The following OLAH variants were observed in gnomAD, a reference collection of about 807,000 sequenced individuals.
OLAH encodes the protein S-acyl fatty acid synthase thioesterase, medium chain.
In OLAH, 33 loss-of-function variants were observed where a neutral mutation model predicts 27.8. The ratio of observed to expected loss-of-function variants is 1.19; its 90% CI spans 0.90 to 1.59. The LOEUF (loss-of-function observed/expected upper bound fraction) is 1.59, where lower values mean the gene tolerates loss of function less well. Ranked by LOEUF, OLAH falls within the 40% of genes most tolerant of loss-of-function variation. OLAH has a pLI of 0.00. For missense variants in OLAH, 359 were observed against 310.8 expected, an observed-to-expected ratio of 1.16 and a Z score of -1.17; for synonymous variants, 120 against 102.9, an observed-to-expected ratio of 1.17 and a Z score of -1.01.
At chr10:15,051,687 A>G (rs1202707295) in intron 3 of OLAH, among the ~76,000 whole-genome samples, 1 of 152,124 alleles carries the variant, frequency 6.6e-6, no homozygotes, top group African/African-American at 2.4e-5. Flanking sequence ...CTATCAGAGC[A>G]TATAACATCA....
At chr10:15,047,840 T>G (rs145241663) in intron 2 of OLAH, among the ~76,000 whole-genome samples, 1,635 of 152,308 alleles carry the variant, frequency 0.011, 15 homozygotes, top group Middle Eastern at 0.02. Flanking sequence ...TGTGCCTAGG[T>G]TCATAGAAAA....
chr10:15,038,585 T>C (rs12250629), intron 1 of OLAH: 86,529 of 151,956 alleles, frequency 0.57, 24,904 homozygotes, highest in South Asian at 0.76. Context: ...AGTTCCCCTG[T>C]GCAAACTCTC....
intron 3 of OLAH, among the ~76,000 whole-genome samples, chr10:15,056,497 C>T (rs1173080308): frequency 6.6e-6 from 1 of 152,170 alleles, no homozygotes; most frequent in Non-Finnish European, 1.5e-5. Flanking sequence ...TGAAATTATT[C>T]TAACTTTACA....
At chr10:15,041,044 G>A (rs1050833162), upstream of OLAH, among the ~76,000 whole-genome samples, 4 of 152,186 alleles carry the variant, frequency 2.6e-5, no homozygotes, top group African/African-American at 4.8e-5. Context: ...AGTGAACAAT[G>A]TTGGTGCTCA....
At chr10:15,047,076 C>T in intron 1 of OLAH, 50 bp from the exon 2 acceptor site, 4 of 450,618 alleles carry the variant, frequency 8.9e-6, no homozygotes, top group African/African-American at 2.0e-5. Flanking sequence ...ATTTTTTTCT[C>T]TTCTCTGTCT....
At chr10:15,042,071 G>A (rs532464888), upstream of OLAH, among the ~76,000 whole-genome samples, 4 of 152,052 alleles carry the variant, frequency 2.6e-5, no homozygotes, top group Admixed American at 6.6e-5. Context: ...TCAGTGCATC[G>A]GTAATTGAGT....
Position 15,049,710 on chromosome 10 carries a change from A to T in OLAH, c.108A>T (p.Gly36=), listed in dbSNP as rs901168179. ...AGCTGATTTGCTTTCCCTGGATGGG[A>T]GGTGGCTCCACTCATTTTGCCAAAT... The part of the protein sequence containing the change: ...TFKLICFPWM[G]GGSTHFAKWG... Residue 36 remains glycine (G), a synonymous_variant, in exon 3 of 8, where the codon GGA becomes GGT. Coordinates refer to ENST00000378228, the MANE Select transcript of OLAH (RefSeq NM_001039702.3). 4.3e-6 allele frequency: 7 copies of T among 1,610,880 alleles called. No individual in the cohort carries two copies. The highest frequency in any genetic ancestry group is 2.2e-5 in the East Asian group (1 of 44,804).
intron 6 of OLAH, among the ~76,000 whole-genome samples, chr10:15,071,366 C>T (rs1312832085): frequency 6.6e-6 from 1 of 152,188 alleles, no homozygotes; most frequent in Non-Finnish European, 1.5e-5. Flanking sequence ...TCTCCACGTG[C>T]CCCTAGTGTC....
At chr10:15,051,564 T>C (rs951392753) in intron 3 of OLAH, among the ~76,000 whole-genome samples, 1 of 152,234 alleles carries the variant, frequency 6.6e-6, no homozygotes, top group Non-Finnish European at 1.5e-5. Context: ...TTTCAGATTT[T>C]CCCTCTTCTG....
chr10:15,050,093 G>A (rs973030752), intron 3 of OLAH, among the ~76,000 whole-genome samples: 2 of 152,138 alleles, frequency 1.3e-5, no homozygotes, highest in African/African-American at 2.4e-5. Context: ...TCCCTTTTCT[G>A]CTTTTCTTTC....
intron 4 of OLAH, 132 bp downstream of exon 4, chr10:15,061,994 C>A: frequency 2.5e-6 from 2 of 797,434 alleles, no homozygotes; most frequent in Non-Finnish European, 3.8e-6. Context: ...TAATTATGGC[C>A]ATCACAACTT....
intron 1 of OLAH, among the ~76,000 whole-genome samples, chr10:15,033,824 C>T (rs1843795910): frequency 6.6e-6 from 1 of 152,150 alleles, no homozygotes; most frequent in South Asian, 2.1e-4. Flanking sequence ...TAATCCCACC[C>T]ATGAAGGCAG....
chr10:15,050,616 A>T (rs1319354724), intron 3 of OLAH, among the ~76,000 whole-genome samples: 2 of 139,762 alleles, frequency 1.4e-5, no homozygotes, highest in Admixed American at 1.6e-4. Context: ...ATGTTGGCTC[A>T]CTCCAAGCTC....
At chr10:15,041,281 TTTTTA>T (rs1328902616), upstream of OLAH, among the ~76,000 whole-genome samples, 3 of 103,936 alleles carry the variant, frequency 2.9e-5, no homozygotes, top group African/African-American at 1.2e-4. Flanking sequence ...TTTATTTTTA[TTTTTA>T]TTTTTTTTGA....
At position 15,058,538 on chromosome 10, in the gene OLAH, T is replaced by C. The variant is rs367657800; in HGVS notation, c.164-3186T>C. Among the ~76,000 whole-genome samples, 4 of 152,244 alleles carry C rather than the reference T, an allele frequency of 2.6e-5. No individual in the cohort carries two copies. In the East Asian group the frequency reaches 7.7e-4, roughly 29 times the overall value. On this transcript the variant is annotated intron_variant, in intron 3 of 7. Coordinates refer to ENST00000378228, the MANE Select transcript of OLAH (RefSeq NM_001039702.3). ...CTTTTGTAAAACACTTTTCTACTTA[T>C]CAATTTTGTGTAGAGCAGTCAGCTG... is the stretch of plus-strand genomic sequence containing the variant.
At chr10:15,057,944 T>C (rs996419337) in intron 3 of OLAH, among the ~76,000 whole-genome samples, 9 of 152,216 alleles carry the variant, frequency 5.9e-5, no homozygotes, top group Non-Finnish European at 7.3e-5. Context: ...AGATATCCAG[T>C]AGCATAAGTT....
chr10:15,033,527 G>A (rs1478539842), intron 1 of OLAH, among the ~76,000 whole-genome samples: 3 of 152,090 alleles, frequency 2.0e-5, no homozygotes, highest in Non-Finnish European at 4.4e-5. Flanking sequence ...AGAAGAGGAA[G>A]AGAAGGCAGA....
In OLAH at chr10:15,051,082, T is replaced by TATTA. The variant is rs200580018; in HGVS notation, c.163+1317_163+1318insATTA. On this transcript the variant is annotated intron_variant, in intron 3 of 7. Coordinates refer to ENST00000378228, the MANE Select transcript of OLAH (RefSeq NM_001039702.3). ...CTGTTTATTATTATTATTATTATTT[T>TATTA]TTTTTTTTTTTGAGATGGAGTCTTG... Among the ~76,000 whole-genome samples the TATTA allele has an allele frequency of 7.0e-3, 1,003 of 143,286 alleles. 6 individuals are homozygous for TATTA. The highest frequency in any genetic ancestry group is 0.012 in the African/African-American group (456 of 39,410). The allele number at this position is 143,286 out of a possible 152,430, so 94.0% of individuals were successfully genotyped here. A position where few individuals can be genotyped will look rare whatever the true frequency, so the allele number is the denominator to read the frequency against.
intron 4 of OLAH, 127 bp from the exon 5 acceptor site, chr10:15,064,276 C>T: frequency 1.6e-6 from 1 of 623,664 alleles, no homozygotes; most frequent in Non-Finnish European, 2.8e-6. Context: ...TCTTAATCAA[C>T]TCACACTTTC....
Sources: gnomAD v4.1 joint callset for allele counts (sites outside exome capture counted in the v4.1 genomes callset) on GRCh38, gnomAD v4.1.1 for gene constraint, MANE v1.5 for transcripts, NCBI Gene and HGNC (gene_info 2026-07-23, HGNC 2026-07-21) for gene names.